IVNS1ABP: variants seen among roughly 807,000 people sequenced by gnomAD.
IVNS1ABP encodes the protein influenza virus NS1A binding protein.
IVNS1ABP carries 25 observed loss-of-function variants against 78.9 expected under a neutral mutation model. The observed-to-expected ratio is 0.32, with a 90% CI of 0.23 to 0.44. The LOEUF (loss-of-function observed/expected upper bound fraction) is 0.44, where lower values mean the gene tolerates loss of function less well. Ranked by LOEUF, IVNS1ABP falls within the 20% of genes least tolerant of loss-of-function variation. IVNS1ABP has a pLI of 1.00. For missense variants in IVNS1ABP, 494 were observed against 768.9 expected (o/e 0.64, Z 4.23); for synonymous variants, 241 against 259.7 (o/e 0.93, Z 0.69).
intron 1 of IVNS1ABP, among the ~76,000 whole-genome samples, chr1:185,313,894 A>C (rs1384026353): frequency 6.6e-6 from 1 of 152,202 alleles, no homozygotes; most frequent in African/African-American, 2.4e-5. Context: ...AAGACTCATA[A>C]ATGAGTAATT....
chr1:185,307,696 CAT>C (rs1459152704), intron 5 of IVNS1ABP, 34 bp from the exon 6 acceptor site: 10 of 1,577,480 alleles, frequency 6.3e-6, no homozygotes, highest in Non-Finnish European at 7.8e-6. Flanking sequence ...CCAACACTTA[CAT>C]ATCTTTTATT....
At chr1:185,304,887 T>C (rs926735717) in intron 8 of IVNS1ABP, among the ~76,000 whole-genome samples, 11 of 152,134 alleles carry the variant, frequency 7.2e-5, no homozygotes, top group African/African-American at 1.9e-4. Flanking sequence ...CTTGAGAAGT[T>C]TGTTCTCTAG....
At position 185,301,436 on chromosome 1, in the gene IVNS1ABP, G is replaced by T; in HGVS notation, c.893C>A (p.Ser298Ter). ...EWKIVASEKTSNNTYLCLAVL... is the reference protein window; with the variant it reads ...EWKIVASEKT Reference sequence around the variant, plus strand: ...TCTGGCAAGTGTCATATACTTACTTGAAGTCTTTTCTGAAGCAACGATTTT... The same window carrying T: ...TCTGGCAAGTGTCATATACTTACTTTAAGTCTTTTCTGAAGCAACGATTTT... Residue 298 changes from serine to a stop codon, truncating the protein, a stop_gained and splice_region_variant, in exon 9 of 15, where the codon TCA becomes TAA. Coordinates refer to ENST00000367498, the MANE Select transcript of IVNS1ABP (RefSeq NM_006469.5). LOFTEE classifies it high-confidence loss of function. The T allele has an allele frequency of 6.2e-7, 1 of 1,613,106 alleles. No individual in the cohort carries two copies. The highest frequency in any genetic ancestry group is 2.2e-5 in the East Asian group (1 of 44,856).
In IVNS1ABP at chr1:185,301,543, A is replaced by T; in HGVS notation, c.786T>A (p.Asn262Lys). 6.2e-7 allele frequency: 1 copy of T among 1,613,094 alleles called. No homozygotes were observed. The highest frequency in any genetic ancestry group is 2.2e-5 in the East Asian group (1 of 44,852). ...AACTGCTACTTATCTGCTTATGGCC[A>T]TTCTCACGTGGTGGCTTTTTCTGCA... ...QFVQKKPPRE[N>K]GHKQISSSST... The change falls in exon 9 of 15, where the codon AAT (asparagine) becomes AAA (lysine). Residue 262 changes from asparagine to lysine, a missense_variant. Asn to Lys is a moderately conservative substitution (Grantham distance 94). Transcript: ENST00000367498.
intron 8 of IVNS1ABP, among the ~76,000 whole-genome samples, chr1:185,304,502 GCTA>G (rs1242647617): frequency 6.6e-6 from 1 of 152,046 alleles, no homozygotes; most frequent in African/African-American, 2.4e-5. Context: ...AACCATATAG[GCTA>G]CTACTAAGTC....
At chr1:185,316,785 G>A (rs768969575) in intron 1 of IVNS1ABP, among the ~76,000 whole-genome samples, 168 bp downstream of exon 1, 4 of 152,160 alleles carry the variant, frequency 2.6e-5, no homozygotes, top group Non-Finnish European at 4.4e-5. Flanking sequence ...CGCGGCGCGG[G>A]CTTCACGTCC....
In IVNS1ABP at chr1:185,300,979, T is replaced by C. The variant is rs752192758; in HGVS notation, c.1113A>G (p.Ile371Met). Residue 371 changes from isoleucine (I) to methionine (M), a missense_variant, in exon 10 of 15, where the codon ATA (isoleucine) becomes ATG (methionine). Coordinates refer to ENST00000367498, the MANE Select transcript of IVNS1ABP (RefSeq NM_006469.5). ...GAATGCTTCTGTTCTTACCTGCAGC[T>C]ATGAGTTTGCCATTCATCTCTGCTG... ...LGTAEMNGKLIAAGGYNREEC... is the reference protein window; with the variant it reads ...LGTAEMNGKLMAAGGYNREEC... 6.2e-7 allele frequency: 1 copy of C among 1,612,946 alleles called. No individual in the cohort carries two copies. The highest frequency in any genetic ancestry group is 1.1e-5 in the South Asian group (1 of 91,046).
intron 8 of IVNS1ABP, chr1:185,301,859 C>G: frequency 4.9e-6 from 1 of 203,642 alleles, no homozygotes; most frequent in Non-Finnish European, 9.9e-6. Flanking sequence ...AAAAACCAAT[C>G]TATAATTATT....
chr1:185,300,583 A>G, intron 10 of IVNS1ABP, 25 bp from the exon 11 acceptor site: 1 of 1,607,676 alleles, frequency 6.2e-7, no homozygotes, highest in Non-Finnish European at 8.5e-7. Flanking sequence ...AACCATAAAG[A>G]TTTATGTTTA....
At chr1:185,310,812 A>G (rs545111822) in intron 2 of IVNS1ABP, among the ~76,000 whole-genome samples, 148 of 152,058 alleles carry the variant, frequency 9.7e-4, no homozygotes, top group African/African-American at 3.5e-3. Flanking sequence ...CAGGAGTTCC[A>G]GGCTGCAGTG....
Position 185,300,846 on chromosome 1 carries a change from T to C in IVNS1ABP, c.1120+126A>G, listed in dbSNP as rs957002674. On this transcript the variant is annotated intron_variant, in intron 10 of 14. Transcript: ENST00000367498. ...ACTGAAGGTTAGCCATATTCAATAG[T>C]ATTGTTATTTCCCTATCTTATTGGA... The C allele has an allele frequency of 4.1e-6, 3 of 731,148 alleles. No individual in the cohort carries two copies. In the African/African-American group the frequency reaches 5.3e-5, roughly 13 times the overall value. 45.3% of individuals were successfully genotyped at this position (731,148 alleles called of 1,614,324 possible).
In IVNS1ABP at chr1:185,299,487, C is replaced by A. The variant is rs375236897; in HGVS notation, c.1675+223G>T. Reference sequence around the variant, plus strand: ...GACTTGGAAATTCACTCAGTGCACCCATCAAAAGACTGGTGAATTAAGTTA... The same window carrying A: ...GACTTGGAAATTCACTCAGTGCACCAATCAAAAGACTGGTGAATTAAGTTA... On this transcript the variant is annotated intron_variant, in intron 14 of 14. Transcript: ENST00000367498. 5.2e-3 allele frequency: 2,886 copies of A among 557,178 alleles called. 34 individuals carry two copies. The highest frequency in any genetic ancestry group is 0.018 in the South Asian group (812 of 45,136). 34.5% of individuals were successfully genotyped at this position (557,178 alleles called of 1,614,324 possible). A position where few individuals can be genotyped will look rare whatever the true frequency, so the allele number is the denominator to read the frequency against.
chr1:185,302,026 C>G (rs1476173510), intron 8 of IVNS1ABP, among the ~76,000 whole-genome samples: 1 of 151,950 alleles, frequency 6.6e-6, no homozygotes, highest in East Asian at 1.9e-4. Flanking sequence ...AAAACGTAAG[C>G]AGATATAGAT....
At chr1:185,299,669 G>T in intron 14 of IVNS1ABP, 41 bp downstream of exon 14, 3 of 1,588,728 alleles carry the variant, frequency 1.9e-6, no homozygotes, top group Non-Finnish European at 2.6e-6. Context: ...ACAAAGTCTT[G>T]CCACTATCTA....
Position 185,309,276 on chromosome 1 carries a change from A to T in IVNS1ABP, c.112-104T>A, listed in dbSNP as rs866124373. 6.0e-5 allele frequency: 74 copies of T among 1,225,476 alleles called. No homozygotes were observed. In the African/African-American group the frequency reaches 1.1e-3, roughly 18 times the overall value. 75.9% of individuals were successfully genotyped at this position (1,225,476 alleles called of 1,614,324 possible). A position where few individuals can be genotyped will look rare whatever the true frequency, so the allele number is the denominator to read the frequency against. On this transcript the variant is annotated intron_variant, in intron 3 of 14. Coordinates refer to ENST00000367498, the MANE Select transcript of IVNS1ABP (RefSeq NM_006469.5). ...ATCTTACATTTCTCAGTATTCTTTT[A>T]AAAAATCATTTCATTAAATGCCTAT...
At chr1:185,311,711 T>G (rs912310799) in intron 1 of IVNS1ABP, among the ~76,000 whole-genome samples, 2 of 152,186 alleles carry the variant, frequency 1.3e-5, no homozygotes, top group Non-Finnish European at 2.9e-5. Flanking sequence ...CCTTAGGCAT[T>G]ATTCCCAAGC....
In IVNS1ABP at chr1:185,305,531, T is replaced by G. The variant is rs753108927; in HGVS notation, c.765+5A>C. The G allele has an allele frequency of 2.5e-6, 4 of 1,612,950 alleles. No individual in the cohort carries two copies. The highest frequency in any genetic ancestry group is 3.3e-5 in the Admixed American group (2 of 59,816). On this transcript the variant is annotated splice_donor_5th_base_variant and intron_variant, in intron 8 of 14. Transcript: ENST00000367498. The surrounding 1 kb of genome is among the most constrained non-coding windows in gnomAD (Gnocchi z 4.0). ...TGAGGTTACCTCAGACTGTGCAATGTGTACCTGCACAAACTGAATGTGGTC... is the reference window on the plus strand; with the variant it reads ...TGAGGTTACCTCAGACTGTGCAATGGGTACCTGCACAAACTGAATGTGGTC...
chr1:185,297,865 C>A lies in IVNS1ABP; in HGVS notation c.*170G>T. On this transcript the variant is annotated 3_prime_UTR_variant, in exon 15 of 15. Coordinates refer to ENST00000367498, the MANE Select transcript of IVNS1ABP (RefSeq NM_006469.5). ...AGACCTTCATCTTTGCATTCCTTTCCAAATAAACCCAAAAAGTATGTACAG... is the reference window on the plus strand; with the variant it reads ...AGACCTTCATCTTTGCATTCCTTTCAAAATAAACCCAAAAAGTATGTACAG... 3.3e-6 allele frequency: 2 copies of A among 608,776 alleles called. No homozygotes were observed. Among genetic ancestry groups the A allele is most frequent in the East Asian group, 2.8e-5 (1 of 35,810 alleles). 37.7% of individuals were successfully genotyped at this position (608,776 alleles called of 1,614,324 possible).
rs1416993998 is a variant in IVNS1ABP, at chr1:185,301,034, G to C, written c.1058C>G (p.Pro353Arg). 6.2e-7 allele frequency: 1 copy of C among 1,613,522 alleles called. No individual in the cohort carries two copies. The highest frequency in any genetic ancestry group is 8.5e-7 in the Non-Finnish European group (1 of 1,179,694). The change falls in exon 10 of 15, where the codon CCT becomes CGT. Residue 353 changes from proline (P) to arginine (R), a missense_variant. Pro to Arg is a moderately radical substitution (Grantham distance 103, BLOSUM62 -2). Transcript: ENST00000367498. ...CAGACCAGATCGTGCGTACTGCATA[G>C]GAGACATGGGCTTTTCGATTAGCTC... ...QDELIEKPMS[P>R]MQYARSGLGT...
Sources: gnomAD v4.1 joint callset for allele counts (sites outside exome capture counted in the v4.1 genomes callset) on GRCh38, gnomAD v4.1.1 for gene constraint, Gnocchi (gnomAD v3.1) non-coding constraint, MANE v1.5 for transcripts, NCBI Gene and HGNC (gene_info 2026-07-23, HGNC 2026-07-21) for gene names.